The following MYO3A variants were observed in gnomAD, a reference collection of about 807,000 sequenced individuals.
The protein encoded by MYO3A is myosin-IIIa.
Under a neutral mutation model 192.7 loss-of-function variants are expected in MYO3A, and 180 were observed. The observed-to-expected ratio is 0.93, with a 90% CI of 0.83 to 1.06. The LOEUF is 1.06. MYO3A is among the 50% of genes least tolerant of loss of function. The probability of loss-of-function intolerance (pLI) is 0.00; values close to 1 mark genes in which losing one functional copy is unlikely to be tolerated. For synonymous variants in MYO3A, 628 were observed against 645.3 expected (o/e 0.97, Z 0.41); for missense variants, 1,896 against 1,905.0 (o/e 1.00, Z 0.09).
intron 17 of MYO3A, among the ~76,000 whole-genome samples, chr10:26,116,238 T>C (rs1838494892): frequency 6.6e-6 from 1 of 152,118 alleles, no homozygotes; most frequent in Admixed American, 6.5e-5. Context: ...CTCCTGAGGG[T>C]TGTGAGGCAG....
rs377660409 is a variant in MYO3A at position 26,021,573 on chromosome 10, C to T, written c.656C>T (p.Thr219Met). The T allele has an allele frequency of 3.3e-5, 53 of 1,613,972 alleles. No individual in the cohort carries two copies. The African/African-American group carries it at 4.0e-4, about 12-fold the overall frequency. The change falls in exon 8 of 35, where the codon ACG becomes ATG. Residue 219 changes from threonine (T) to methionine (M), a missense_variant. Coordinates refer to ENST00000642920, the MANE Select transcript of MYO3A (RefSeq NM_017433.5). ...ARCDTWSLGI[T>M]AIELGDGDPP... ...TGTGACACTTGGTCCCTGGGTATCA[C>T]GGCCATTGAGCTGGGTGATGGAGAT...
At chr10:26,100,858 A>C (rs1218151999) in intron 17 of MYO3A, among the ~76,000 whole-genome samples, 10 of 152,190 alleles carry the variant, frequency 6.6e-5, no homozygotes, top group Non-Finnish European at 2.9e-5. Context: ...GGTGCTGAGA[A>C]GAATGTATAT....
chr10:26,024,113 A>G, intron 9 of MYO3A, 26 bp downstream of exon 9: 1 of 1,580,556 alleles, frequency 6.3e-7, no homozygotes, highest in Non-Finnish European at 8.7e-7. Context: ...CTTTTAAAAA[A>G]CCAAAGATAT....
chr10:26,111,770 G>A (rs1038139554), intron 17 of MYO3A, among the ~76,000 whole-genome samples: 3 of 152,184 alleles, frequency 2.0e-5, no homozygotes, highest in Non-Finnish European at 4.4e-5. Flanking sequence ...ACTGTGCCTG[G>A]CTCTGTTGGA....
intron 32 of MYO3A, among the ~76,000 whole-genome samples, chr10:26,199,430 A>G (rs1235879027): frequency 6.6e-6 from 1 of 151,048 alleles, no homozygotes; most frequent in South Asian, 2.1e-4. Flanking sequence ...GGTCATGACT[A>G]TAGTCCCAGC....
intron 8 of MYO3A, among the ~76,000 whole-genome samples, chr10:26,023,821 G>A (rs1449184725): frequency 6.6e-6 from 1 of 152,180 alleles, no homozygotes; most frequent in Non-Finnish European, 1.5e-5. Context: ...CATATGTTAA[G>A]TGCTTACAGA....
At chr10:26,165,711 C>T (rs1841708008) in intron 26 of MYO3A, 1 of 294,222 alleles carries the variant, frequency 3.4e-6, no homozygotes, top group African/African-American at 2.2e-5. Context: ...CTTCTGCTTC[C>T]TGCCACTGCA....
intron 4 of MYO3A, among the ~76,000 whole-genome samples, chr10:25,957,503 G>T (rs144034280): frequency 1.8e-4 from 28 of 152,206 alleles, no homozygotes; most frequent in African/African-American, 5.3e-4. Flanking sequence ...CAGGCATGTA[G>T]GTTGATTTCA....
intron 14 of MYO3A, among the ~76,000 whole-genome samples, chr10:26,086,900 G>A (rs1184016609): frequency 6.6e-6 from 1 of 152,130 alleles, no homozygotes; most frequent in East Asian, 1.9e-4. Context: ...AATTAATTGT[G>A]TGTGAATGTG....
chr10:26,009,777 TA>T (rs1182740718), intron 6 of MYO3A, among the ~76,000 whole-genome samples: 5 of 152,262 alleles, frequency 3.3e-5, no homozygotes, highest in Non-Finnish European at 7.3e-5. Context: ...CTTCTCATTG[TA>T]AAACAAGTAT....
At chr10:26,209,218 C>A (rs1200609907) in intron 34 of MYO3A, among the ~76,000 whole-genome samples, 1 of 152,188 alleles carries the variant, frequency 6.6e-6, no homozygotes, top group Admixed American at 6.5e-5. Flanking sequence ...TAAAGTGAAA[C>A]CTTCCCTTTG....
intron 10 of MYO3A, among the ~76,000 whole-genome samples, chr10:26,053,442 T>C (rs1308144477): frequency 1.3e-5 from 2 of 152,200 alleles, no homozygotes; most frequent in Admixed American, 1.3e-4. Flanking sequence ...CCTGTTTTCA[T>C]GGAACTTACA....
intron 32 of MYO3A, among the ~76,000 whole-genome samples, chr10:26,194,962 T>C (rs993468626): frequency 2.0e-5 from 3 of 152,230 alleles, no homozygotes; most frequent in African/African-American, 7.2e-5. Flanking sequence ...TGTTGAGATA[T>C]AAATCGCATG....
chr10:26,062,953 T>C (rs1364521298), intron 10 of MYO3A, among the ~76,000 whole-genome samples: 2 of 152,174 alleles, frequency 1.3e-5, no homozygotes, highest in Non-Finnish European at 2.9e-5. Flanking sequence ...TGAGTGAGTT[T>C]GTATTAGCTC....
chr10:25,973,424 C>T (rs1838781934), intron 4 of MYO3A, among the ~76,000 whole-genome samples: 1 of 152,148 alleles, frequency 6.6e-6, no homozygotes, highest in South Asian at 2.1e-4. Flanking sequence ...ATGACATCTG[C>T]AAACAGACAA....
chr10:25,984,560 C>T (rs1008208073), intron 4 of MYO3A, among the ~76,000 whole-genome samples: 1 of 152,168 alleles, frequency 6.6e-6, no homozygotes, highest in Non-Finnish European at 1.5e-5. Context: ...CCAAGCCCCC[C>T]TCCCTTGTCT....
At chr10:25,949,186 TTCTA>T (rs1231542497) in intron 2 of MYO3A, among the ~76,000 whole-genome samples, 4 of 152,154 alleles carry the variant, frequency 2.6e-5, no homozygotes, top group African/African-American at 7.2e-5. Flanking sequence ...TCCATGAGTT[TTCTA>T]TCTTTGTATT....
intron 10 of MYO3A, 51 bp from the exon 11 acceptor site, chr10:26,066,923 TC>T: frequency 7.6e-7 from 1 of 1,317,390 alleles, no homozygotes; most frequent in Non-Finnish European, 1.1e-6. Flanking sequence ...AAAACTTTTT[TC>T]CACTATGAGC....
intron 4 of MYO3A, among the ~76,000 whole-genome samples, chr10:25,992,353 C>T (rs1440490074): frequency 4.6e-5 from 7 of 152,196 alleles, no homozygotes; most frequent in Non-Finnish European, 8.8e-5. Context: ...TTTTTGCACA[C>T]TGATTTTGTA....
Sources: allele counts gnomAD v4.1 joint callset (sites outside exome capture counted in the v4.1 genomes callset), GRCh38; gene constraint gnomAD v4.1.1; transcripts MANE v1.5; gene names NCBI Gene and HGNC (gene_info 2026-07-23, HGNC 2026-07-21).